The following ADAMDEC1 variants were observed in gnomAD, a reference collection of about 807,000 sequenced individuals.
The protein encoded by ADAMDEC1 is ADAM DEC1.
ADAMDEC1 carries 62 observed loss-of-function variants against 60.4 expected under a neutral mutation model. That is an observed-to-expected ratio of 1.03 (90% CI 0.84 to 1.27). The LOEUF is 1.27. ADAMDEC1 is among the 50% of genes most tolerant of loss of function. ADAMDEC1 has a pLI of 0.00. For synonymous variants in ADAMDEC1, 210 were observed against 195.1 expected (o/e 1.08, Z -0.64); for missense variants, 595 against 565.0 (o/e 1.05, Z -0.54).
At chr8:24,400,986 C>T (rs956340735) in intron 11 of ADAMDEC1, among the ~76,000 whole-genome samples, 16 of 151,910 alleles carry the variant, frequency 1.1e-4, no homozygotes, top group African/African-American at 3.6e-4. Context: ...TTTATGGCTG[C>T]ATAGTATTCC....
chr8:24,404,541 C>A (rs1434335718), intron 13 of ADAMDEC1, among the ~76,000 whole-genome samples: 1 of 152,108 alleles, frequency 6.6e-6, no homozygotes, highest in African/African-American at 2.4e-5. Context: ...TAAAGTGTCT[C>A]AATGAGCCAT....
intron 5 of ADAMDEC1, among the ~76,000 whole-genome samples, chr8:24,396,854 C>G (rs1817626380): frequency 6.6e-6 from 1 of 152,080 alleles, no homozygotes; most frequent in Admixed American, 6.6e-5. Flanking sequence ...ACTTCTAATC[C>G]CAACGTGTTA....
At chr8:24,394,437 C>T (rs898306959) in intron 4 of ADAMDEC1, among the ~76,000 whole-genome samples, 9 of 152,124 alleles carry the variant, frequency 5.9e-5, no homozygotes, top group Non-Finnish European at 7.4e-5. Flanking sequence ...CCATTTTATC[C>T]ATAGGTTAGA....
intron 6 of ADAMDEC1, 92 bp from the exon 7 acceptor site, chr8:24,397,591 C>A: frequency 6.9e-7 from 1 of 1,458,722 alleles, no homozygotes; most frequent in Non-Finnish European, 9.4e-7. Context: ...TTCTATTTAT[C>A]TTCTATTTTA....
intron 4 of ADAMDEC1, among the ~76,000 whole-genome samples, chr8:24,395,505 T>A (rs1483212922): frequency 1.3e-5 from 2 of 152,190 alleles, no homozygotes; most frequent in East Asian, 3.9e-4. Flanking sequence ...GAGTTTCCAG[T>A]GAAGCAATTC....
intron 13 of ADAMDEC1, among the ~76,000 whole-genome samples, chr8:24,404,920 G>A (rs1817852402): frequency 6.6e-6 from 1 of 152,062 alleles, no homozygotes; most frequent in Non-Finnish European, 1.5e-5. Context: ...GGGAATTCTG[G>A]AAACTGTGCC....
In ADAMDEC1 at chr8:24,405,478, G is replaced by A. The variant is rs373678861; in HGVS notation, c.*180G>A. On this transcript the variant is annotated 3_prime_UTR_variant, in exon 14 of 14. Coordinates refer to ENST00000256412, the MANE Select transcript of ADAMDEC1 (RefSeq NM_014479.3). ...ATGTAATTAGAGACATTGGCTCTTT[G>A]TTTAGGCCTAATCTTTCTTTTTACT... The A allele has an allele frequency of 7.4e-6, 4 of 539,790 alleles. No homozygotes were observed. The highest frequency in any genetic ancestry group is 1.3e-5 in the Non-Finnish European group (4 of 315,700). The allele number at this position is 539,790 out of a possible 1,614,324, so 33.4% of individuals were successfully genotyped here.
At chr8:24,396,647 TA>T (rs891748548) in intron 5 of ADAMDEC1, among the ~76,000 whole-genome samples, 10 of 149,762 alleles carry the variant, frequency 6.7e-5, no homozygotes, top group East Asian at 1.9e-4. Flanking sequence ...AGCATTGAAA[TA>T]AAAAAAAAAC....
At chr8:24,397,632 T>G in intron 6 of ADAMDEC1, 51 bp from the exon 7 acceptor site, 1 of 1,556,960 alleles carries the variant, frequency 6.4e-7, no homozygotes, top group Non-Finnish European at 8.8e-7. Context: ...AGCTTTGGAA[T>G]CTTTTAGGAT....
chr8:24,393,934 T>C (rs1817515160), intron 3 of ADAMDEC1, 135 bp from the exon 4 acceptor site: 1 of 482,682 alleles, frequency 2.1e-6, no homozygotes, highest in Non-Finnish European at 3.7e-6. Context: ...AGCTCCAATG[T>C]TGGAAGAGGA....
chr8:24,392,512 C>A, intron 2 of ADAMDEC1, 132 bp downstream of exon 2: 1 of 608,326 alleles, frequency 1.6e-6, no homozygotes. Flanking sequence ...ATACAACTCC[C>A]CTTTGTTCAG....
chr8:24,401,932 A>T lies in ADAMDEC1; in HGVS notation c.1160A>T (p.Asp387Val). 3.7e-6 allele frequency: 6 copies of T among 1,610,408 alleles called. No individual in the cohort carries two copies. Among genetic ancestry groups the T allele is most frequent in the Non-Finnish European group, 5.1e-6 (6 of 1,179,106 alleles). ...NQYLSSKFPK[D>V]FSTSCRAHFE... ...GATTACAGTTCAAAATTCCCAAAGG[A>T]TTTCAGTACATCTTGCCGTGCACAT... Residue 387 changes from aspartate (D) to valine (V), a missense_variant, in exon 12 of 14, where the codon GAT becomes GTT. Transcript: ENST00000256412.
At chr8:24,394,840 G>A (rs961933964) in intron 4 of ADAMDEC1, among the ~76,000 whole-genome samples, 2 of 152,224 alleles carry the variant, frequency 1.3e-5, no homozygotes, top group Non-Finnish European at 2.9e-5. Flanking sequence ...TATCTTCAGC[G>A]GACAGTGTCT....
At chr8:24,387,566 AAAC>A (rs1482078149) in intron 1 of ADAMDEC1, 7 of 152,160 alleles carry the variant, frequency 4.6e-5, no homozygotes, top group African/African-American at 1.4e-4. Context: ...GGGTTATAGA[AAAC>A]AACAGTTTGC....
At chr8:24,391,772 A>G (rs1260369406) in intron 1 of ADAMDEC1, among the ~76,000 whole-genome samples, 1 of 152,212 alleles carries the variant, frequency 6.6e-6, no homozygotes, top group African/African-American at 2.4e-5. Flanking sequence ...ATGATTATAC[A>G]CAAATGAAAA....
At chr8:24,390,447 G>T (rs1480849927) in intron 1 of ADAMDEC1, among the ~76,000 whole-genome samples, 1 of 152,154 alleles carries the variant, frequency 6.6e-6, no homozygotes, top group Non-Finnish European at 1.5e-5. Flanking sequence ...GTTGGGATGG[G>T]CACAATGGCT....
chr8:24,385,731 AAGAC>A (rs1246573538), intron 1 of ADAMDEC1, among the ~76,000 whole-genome samples: 1 of 152,182 alleles, frequency 6.6e-6, no homozygotes, highest in African/African-American at 2.4e-5. Context: ...GCTAGGATGA[AAGAC>A]AGAGAAGAGT....
intron 13 of ADAMDEC1, 40 bp from the exon 14 acceptor site, chr8:24,405,252 A>G: frequency 6.3e-7 from 1 of 1,599,452 alleles, no homozygotes; most frequent in Non-Finnish European, 8.6e-7. Flanking sequence ...TGTAACTTGT[A>G]ATAACCCTGG....
intron 1 of ADAMDEC1, chr8:24,387,444 C>T (rs1054957761): frequency 2.6e-5 from 4 of 151,988 alleles, no homozygotes; most frequent in Non-Finnish European, 4.4e-5. Flanking sequence ...CTGACTAAGG[C>T]CCATAACGTT....
Sources: gnomAD v4.1 joint callset for allele counts (sites outside exome capture counted in the v4.1 genomes callset) on GRCh38, gnomAD v4.1.1 for gene constraint, MANE v1.5 for transcripts, NCBI Gene and HGNC (gene_info 2026-07-23, HGNC 2026-07-21) for gene names.